Variants in BLOC1S2 observed in about 807,000 individuals in gnomAD.
The protein encoded by BLOC1S2 is biogenesis of lysosome-related organelles complex 1 subunit 2.
Under a neutral mutation model 19.6 loss-of-function variants are expected in BLOC1S2, and 12 were observed. The ratio of observed to expected loss-of-function variants is 0.61; its 90% confidence interval spans 0.39 to 0.99. BLOC1S2 has a LOEUF of 0.99. Ranked by LOEUF, BLOC1S2 falls within the 50% of genes least tolerant of loss-of-function variation. The pLI is 0.00. For missense variants in BLOC1S2, 142 were observed against 171.0 expected, an observed-to-expected ratio of 0.83 and a Z score of 0.95; for synonymous variants, 66 against 64.1, an observed-to-expected ratio of 1.03 and a Z score of -0.14.
intron 4 of BLOC1S2, among the ~76,000 whole-genome samples, chr10:100,278,113 GC>G (rs568387437): frequency 0.32 from 34,594 of 109,164 alleles, 7,375 homozygotes; most frequent in Non-Finnish European, 0.41. Context: ...AGGTGGGGGG[GC>G]GGTCAGCGCC....
At chr10:100,276,438 C>CG (rs1847865278) in intron 4 of BLOC1S2, among the ~76,000 whole-genome samples, 1 of 10,808 alleles carries the variant, frequency 9.3e-5, no homozygotes, top group Non-Finnish European at 2.0e-4. Context: ...CTCCCTCTCC[C>CG]TCTCCCGTCT....
chr10:100,276,870 C>CGCCT (rs1293419568), intron 4 of BLOC1S2, among the ~76,000 whole-genome samples: 1 of 152,160 alleles, frequency 6.6e-6, no homozygotes, highest in African/African-American at 2.4e-5. Context: ...ACCTCCCAGC[C>CGCCT]GCCTGCCTTG....
intron 1 of BLOC1S2, 36 bp from the exon 2 acceptor site, chr10:100,286,249 C>T (rs778850175): frequency 5.0e-6 from 8 of 1,606,720 alleles, no homozygotes; most frequent in Middle Eastern, 3.3e-4. Context: ...GTCCCGCCTA[C>T]ACCCGGTGCT....
intron 2 of BLOC1S2, among the ~76,000 whole-genome samples, chr10:100,282,095 T>G (rs952915744): frequency 2.0e-5 from 3 of 152,216 alleles, no homozygotes; most frequent in Non-Finnish European, 4.4e-5. Context: ...ACACTTCTAC[T>G]TCTTCAGGGC....
intron 2 of BLOC1S2, chr10:100,283,039 G>C (rs991906176): frequency 5.0e-6 from 2 of 397,952 alleles, no homozygotes; most frequent in African/African-American, 4.1e-5. Context: ...CAAGTCACCT[G>C]AGTTCCCTAG....
chr10:100,285,925 G>C (rs188983739), intron 2 of BLOC1S2, among the ~76,000 whole-genome samples, 172 bp downstream of exon 2: 5 of 152,252 alleles, frequency 3.3e-5, no homozygotes, highest in African/African-American at 1.2e-4. Flanking sequence ...CTATGTTACA[G>C]AGGCCTGCAG....
chr10:100,286,210 T>A lies in BLOC1S2; in HGVS notation c.59A>T (p.Asp20Val). 1 of 1,613,948 alleles carries A rather than the reference T, an allele frequency of 6.2e-7. No homozygotes were observed. Residue 20 changes from aspartate (D) to valine (V), a missense_variant, in exon 2 of 5, where the codon GAT becomes GTT. Transcript: ENST00000370372. ...ATRSDEPARD[D>V]AAVETAEEAK... Reference sequence around the variant, plus strand: ...TTCCTCAGCTGTCTCCACGGCGGCATCGTCTGGGCCAAGGGAGAATGACTA... The same window carrying A: ...TTCCTCAGCTGTCTCCACGGCGGCAACGTCTGGGCCAAGGGAGAATGACTA...
At chr10:100,283,721 A>G (rs564448949) in intron 2 of BLOC1S2, among the ~76,000 whole-genome samples, 5 of 151,718 alleles carry the variant, frequency 3.3e-5, no homozygotes, top group African/African-American at 4.9e-5. Context: ...AAATAAAAAT[A>G]AAAATTAGCC....
At chr10:100,278,022 C>T (rs1286207340) in intron 4 of BLOC1S2, among the ~76,000 whole-genome samples, 1 of 135,522 alleles carries the variant, frequency 7.4e-6, no homozygotes, top group African/African-American at 2.8e-5. Flanking sequence ...GGAATCAGCC[C>T]CCCGCCCGGC....
At chr10:100,275,575 T>TA in intron 4 of BLOC1S2, 82 bp from the exon 5 acceptor site, 1 of 1,264,744 alleles carries the variant, frequency 7.9e-7, no homozygotes, top group Non-Finnish European at 1.1e-6. Flanking sequence ...CAGTCAAGTT[T>TA]AAAAAATATG....
rs1847810538 is a variant in BLOC1S2, at chr10:100,274,757, TA to T, written c.*704del. On this transcript the variant is annotated 3_prime_UTR_variant, in exon 5 of 5. Coordinates refer to ENST00000370372, the MANE Select transcript of BLOC1S2 (RefSeq NM_173809.5). Reference sequence around the variant, plus strand: ...AATCGTCACCTCCCTACCCAACACATAAACACACATACCCATCTAGTCTTTG... The same window carrying T: ...AATCGTCACCTCCCTACCCAACACATAACACACATACCCATCTAGTCTTTG... 2.6e-6 allele frequency: 1 copy of T among 391,576 alleles called. No homozygotes were observed. The highest frequency in any genetic ancestry group is 4.5e-6 in the Non-Finnish European group (1 of 222,192). The allele number at this position is 391,576 out of a possible 1,614,324, so 24.3% of individuals were successfully genotyped here.
Position 100,277,994 on chromosome 10 carries a change from G to A in BLOC1S2, c.397+2130C>T, listed in dbSNP as rs1269336850. Among the ~76,000 whole-genome samples, 5 of 119,166 alleles carry A rather than the reference G, an allele frequency of 4.2e-5. 1 individual carries two copies. Among genetic ancestry groups the A allele is most frequent in the African/African-American group, 1.7e-4 (5 of 29,028 alleles). The allele number at this position is 119,166 out of a possible 152,430, so 78.2% of individuals were successfully genotyped here. ...GCCCCTCTGCCCGGCCAGCCGCCCTGTCCGGGAGGGAGGTGAGGGAATCAG... is the reference window on the plus strand; with the variant it reads ...GCCCCTCTGCCCGGCCAGCCGCCCTATCCGGGAGGGAGGTGAGGGAATCAG... On this transcript the variant is annotated intron_variant, in intron 4 of 4. Coordinates refer to ENST00000370372, the MANE Select transcript of BLOC1S2 (RefSeq NM_173809.5).
chr10:100,277,088 A>T (rs1439766111), intron 4 of BLOC1S2, among the ~76,000 whole-genome samples: 57 of 144,380 alleles, frequency 3.9e-4, no homozygotes, highest in African/African-American at 1.1e-3. Flanking sequence ...CATCCCATCT[A>T]GGAAGTGAGG....
chr10:100,281,540 C>T (rs376112223), intron 2 of BLOC1S2, among the ~76,000 whole-genome samples: 20 of 151,854 alleles, frequency 1.3e-4, no homozygotes, highest in African/African-American at 4.1e-4. Context: ...AAACAATTAG[C>T]GGGCGTGGTG....
At chr10:100,281,413 C>T (rs1287997345) in intron 2 of BLOC1S2, among the ~76,000 whole-genome samples, 6 of 152,010 alleles carry the variant, frequency 3.9e-5, no homozygotes, top group East Asian at 1.9e-4. Context: ...AGGCTGGGCG[C>T]GGTGGCTCAT....
At chr10:100,276,304 ATCTCCCTCTCCCG>A (rs1847847110) in intron 4 of BLOC1S2, among the ~76,000 whole-genome samples, 1 of 97,940 alleles carries the variant, frequency 1.0e-5, no homozygotes, top group Non-Finnish European at 2.3e-5. Context: ...CTCCCTCTCC[ATCTCCCTCTCCCG>A]TCTCCCTCTC....
intron 2 of BLOC1S2, among the ~76,000 whole-genome samples, chr10:100,281,705 TAC>T (rs1554910982): frequency 7.2e-5 from 5 of 69,824 alleles, no homozygotes; most frequent in African/African-American, 2.6e-4. Flanking sequence ...TATATATATA[TAC>T]ACATACACAC....
chr10:100,286,427 G>C, intron 1 of BLOC1S2, 178 bp downstream of exon 1: 1 of 1,462,656 alleles, frequency 6.8e-7, no homozygotes, highest in Non-Finnish European at 9.1e-7. Flanking sequence ...CGGCACCCCC[G>C]CTCATCCTGG....
Position 100,278,222 on chromosome 10 carries a change from C to A in BLOC1S2, c.397+1902G>T, listed in dbSNP as rs540120860. On this transcript the variant is annotated intron_variant, in intron 4 of 4. Transcript: ENST00000370372. ...CGGGAGGGAGGTGGGGGGGTCAGCC[C>A]CCCGCCTGGCCAGCCACCCGGTCCA... Among the ~76,000 whole-genome samples the A allele has an allele frequency of 2.7e-3, 409 of 150,842 alleles. 4 individuals carry two copies. The highest frequency in any genetic ancestry group is 9.7e-3 in the African/African-American group (398 of 41,174).
Sources: allele counts gnomAD v4.1 joint callset (sites outside exome capture counted in the v4.1 genomes callset), GRCh38; gene constraint gnomAD v4.1.1; transcripts MANE v1.5; gene names NCBI Gene and HGNC (gene_info 2026-07-23, HGNC 2026-07-21).